Variants in FSTL5 observed in about 807,000 individuals in gnomAD.
FSTL5 encodes the protein follistatin-related protein 5.
In FSTL5, 62 loss-of-function variants were observed where a neutral mutation model predicts 89.1. The observed-to-expected ratio is 0.70, with a 90% confidence interval of 0.57 to 0.86. The LOEUF is 0.86. Ranked by LOEUF, FSTL5 falls within the 40% of genes least tolerant of loss-of-function variation. FSTL5 has a pLI of 0.00. For synonymous variants in FSTL5, 383 were observed against 346.2 expected, an observed-to-expected ratio of 1.11 and a Z score of -1.18; for missense variants, 1,057 against 1,001.6, an observed-to-expected ratio of 1.06 and a Z score of -0.75.
At chr4:161,927,728 G>A (rs538701537) in intron 3 of FSTL5, among the ~76,000 whole-genome samples, 2 of 151,704 alleles carry the variant, frequency 1.3e-5, no homozygotes, top group African/African-American at 2.4e-5. Flanking sequence ...TCATGAAGAA[G>A]AATTAGATTT....
intron 15 of FSTL5, among the ~76,000 whole-genome samples, chr4:161,410,756 A>T (rs763984884): frequency 6.6e-6 from 1 of 152,102 alleles, no homozygotes; most frequent in Non-Finnish European, 1.5e-5. Context: ...GCTCTAAAAT[A>T]TCTTCATTAA....
intron 3 of FSTL5, among the ~76,000 whole-genome samples, chr4:162,032,071 T>C (rs1458011855): frequency 6.6e-6 from 1 of 152,130 alleles, no homozygotes; most frequent in African/African-American, 2.4e-5. Flanking sequence ...AGAAAACATA[T>C]TCCTAGATAG....
At chr4:161,510,551 A>T in intron 10 of FSTL5, 127 bp from the exon 11 acceptor site, 1 of 509,306 alleles carries the variant, frequency 2.0e-6, no homozygotes, top group Non-Finnish European at 3.4e-6. Flanking sequence ...AACGTAGTGA[A>T]GTTAATTCAG....
intron 2 of FSTL5, among the ~76,000 whole-genome samples, chr4:162,056,374 C>G (rs1175180200): frequency 1.3e-5 from 2 of 151,848 alleles, no homozygotes; most frequent in East Asian, 3.9e-4. Context: ...TAAGCACTAA[C>G]TATATTTTAG....
intron 12 of FSTL5, among the ~76,000 whole-genome samples, chr4:161,496,787 A>AAGATAG (rs70937658): frequency 0.24 from 34,040 of 143,472 alleles, 4,988 homozygotes; most frequent in East Asian, 0.39. Context: ...GATAGAGAAA[A>AAGATAG]AGATAGAGAT....
intron 4 of FSTL5, among the ~76,000 whole-genome samples, chr4:161,914,199 T>C (rs1733776891): frequency 6.6e-6 from 1 of 152,144 alleles, no homozygotes; most frequent in African/African-American, 2.4e-5. Context: ...TTGACTATTG[T>C]GCCCATGACT....
chr4:161,500,681 A>G (rs2126484855), intron 11 of FSTL5, among the ~76,000 whole-genome samples: 1 of 152,282 alleles, frequency 6.6e-6, no homozygotes, highest in South Asian at 2.1e-4. Context: ...TATTAGTTTT[A>G]ATATTGGCAA....
At chr4:161,533,514 T>C (rs1481890147) in intron 10 of FSTL5, among the ~76,000 whole-genome samples, 4 of 151,934 alleles carry the variant, frequency 2.6e-5, no homozygotes, top group Non-Finnish European at 5.9e-5. Context: ...CCCTTCAAGA[T>C]TGAACAAGAA....
At chr4:161,659,894 C>A (rs968728060) in intron 6 of FSTL5, among the ~76,000 whole-genome samples, 1 of 152,136 alleles carries the variant, frequency 6.6e-6, no homozygotes, top group Non-Finnish European at 1.5e-5. Flanking sequence ...TGTACAGAAA[C>A]TATCTTTGCA....
Position 162,063,993 on chromosome 4 carries a change from C to T in FSTL5, c.127-30335G>A, listed in dbSNP as rs533803285. Among the ~76,000 whole-genome samples the T allele has an allele frequency of 2.3e-3, 353 of 151,968 alleles. 2 individuals are homozygous for T. The highest frequency in any genetic ancestry group is 7.6e-3 in the African/African-American group (317 of 41,498). On this transcript the variant is annotated intron_variant, in intron 2 of 15. Coordinates refer to ENST00000306100, the MANE Select transcript of FSTL5 (RefSeq NM_020116.5). ...AAATAGACAAACATGTGAAGAAATACACTTTACTCCTGTTTCTTCTCTTGG... is the reference window on the plus strand; with the variant it reads ...AAATAGACAAACATGTGAAGAAATATACTTTACTCCTGTTTCTTCTCTTGG...
chr4:162,062,803 TA>T (rs777878810), intron 2 of FSTL5, among the ~76,000 whole-genome samples: 3 of 151,438 alleles, frequency 2.0e-5, no homozygotes, highest in African/African-American at 7.3e-5. Context: ...TATATTTTAT[TA>T]AAAAAACCCA....
At chr4:161,798,732 T>G (rs1419080937) in intron 4 of FSTL5, among the ~76,000 whole-genome samples, 1 of 151,640 alleles carries the variant, frequency 6.6e-6, no homozygotes, top group African/African-American at 2.4e-5. Flanking sequence ...ATAGGACCCA[T>G]TTGGAAATCT....
chr4:161,459,064 T>G, intron 14 of FSTL5, 148 bp downstream of exon 14: 1 of 536,288 alleles, frequency 1.9e-6, no homozygotes, highest in East Asian at 2.9e-5. Context: ...ATGCCAACTT[T>G]TTTGCCTTTT....
chr4:162,102,679 C>CATATTT (rs1271838457), intron 2 of FSTL5, among the ~76,000 whole-genome samples: 8 of 129,704 alleles, frequency 6.2e-5, no homozygotes, highest in East Asian at 3.4e-4. Flanking sequence ...ATATGTATAA[C>CATATTT]ATATTTATAT....
chr4:161,636,161 T>C (rs1044934148), intron 7 of FSTL5, among the ~76,000 whole-genome samples: 3 of 152,054 alleles, frequency 2.0e-5, no homozygotes, highest in Non-Finnish European at 4.4e-5. Flanking sequence ...TCTCTTCTGA[T>C]TAATCACTTC....
intron 15 of FSTL5, among the ~76,000 whole-genome samples, chr4:161,400,688 G>C (rs557269293): frequency 6.6e-6 from 1 of 152,104 alleles, no homozygotes. Context: ...AACATTGACA[G>C]TGTTATAACC....
chr4:162,023,533 A>T (rs1300306349), intron 3 of FSTL5, among the ~76,000 whole-genome samples: 1 of 152,168 alleles, frequency 6.6e-6, no homozygotes, highest in African/African-American at 2.4e-5. Context: ...AGAACAAAGT[A>T]TTATCAATCT....
intron 2 of FSTL5, among the ~76,000 whole-genome samples, chr4:162,071,458 T>A (rs563434011): frequency 6.6e-6 from 1 of 151,838 alleles, no homozygotes; most frequent in South Asian, 2.1e-4. Flanking sequence ...ATTTCAAATA[T>A]ATATGCACTC....
intron 12 of FSTL5, among the ~76,000 whole-genome samples, chr4:161,497,188 G>A (rs1388545853): frequency 6.6e-6 from 1 of 152,028 alleles, no homozygotes; most frequent in African/African-American, 2.4e-5. Flanking sequence ...GTACATGACA[G>A]TATTTGTGTA....
Sources: gnomAD v4.1 joint callset for allele counts (sites outside exome capture counted in the v4.1 genomes callset) on GRCh38, gnomAD v4.1.1 for gene constraint, MANE v1.5 for transcripts, NCBI Gene and HGNC (gene_info 2026-07-23, HGNC 2026-07-21) for gene names.